PRKN: variants seen among roughly 807,000 people sequenced by gnomAD.
PRKN encodes E3 ubiquitin-protein ligase parkin.
In PRKN, 56 loss-of-function variants were observed where a neutral mutation model predicts 59.5. That is an observed-to-expected ratio of 0.94 (90% CI 0.76 to 1.18). PRKN has a LOEUF of 1.18. PRKN is among the 50% of genes most tolerant of loss of function. PRKN has a pLI of 0.00. For missense variants in PRKN, 657 were observed against 596.4 expected (o/e 1.10, Z -1.06); for synonymous variants, 250 against 222.1 (o/e 1.13, Z -1.12).
intron 4 of PRKN, among the ~76,000 whole-genome samples, chr6:162,142,587 G>T (rs1051482098): frequency 6.6e-6 from 1 of 152,080 alleles, no homozygotes; most frequent in South Asian, 2.1e-4. Context: ...ATGCAATAAA[G>T]ATAACAACAC....
At chr6:161,882,502 A>G (rs1794976214) in intron 6 of PRKN, among the ~76,000 whole-genome samples, 1 of 152,156 alleles carries the variant, frequency 6.6e-6, no homozygotes, top group South Asian at 2.1e-4. Context: ...TCCTCTGACC[A>G]TTCTAGTCAG....
At chr6:162,351,503 C>T (rs1357028783) in intron 2 of PRKN, among the ~76,000 whole-genome samples, 1 of 152,108 alleles carries the variant, frequency 6.6e-6, no homozygotes, top group Non-Finnish European at 1.5e-5. Context: ...GAAAATGGTA[C>T]AACTACTTTG....
At chr6:162,381,425 C>T (rs1258452764) in intron 2 of PRKN, among the ~76,000 whole-genome samples, 2 of 152,026 alleles carry the variant, frequency 1.3e-5, no homozygotes, top group Non-Finnish European at 2.9e-5. Flanking sequence ...TTACTTTTTC[C>T]TCTCTAAGTG....
At chr6:162,587,013 A>G (rs1395150807) in intron 1 of PRKN, among the ~76,000 whole-genome samples, 1 of 152,212 alleles carries the variant, frequency 6.6e-6, no homozygotes, top group African/African-American at 2.4e-5. Flanking sequence ...TAAAATCACC[A>G]GATCCAAGTG....
intron 3 of PRKN, among the ~76,000 whole-genome samples, chr6:162,233,563 T>G (rs1778514689): frequency 6.6e-6 from 1 of 152,216 alleles, no homozygotes; most frequent in African/African-American, 2.4e-5. Context: ...CCTCCTCATT[T>G]TATAGACAAA....
intron 5 of PRKN, among the ~76,000 whole-genome samples, chr6:162,033,445 G>A (rs1408914291): frequency 6.6e-6 from 1 of 152,130 alleles, no homozygotes; most frequent in East Asian, 1.9e-4. Flanking sequence ...AATTCACAAT[G>A]CATACTTTAT....
chr6:162,571,453 G>A (rs567392309), intron 1 of PRKN, among the ~76,000 whole-genome samples: 2 of 152,148 alleles, frequency 1.3e-5, no homozygotes, highest in East Asian at 3.9e-4. Context: ...ATTCAGGACT[G>A]ATCAGAGGCA....
chr6:162,292,473 T>TA (rs1286936276), intron 2 of PRKN, among the ~76,000 whole-genome samples: 2 of 151,920 alleles, frequency 1.3e-5, no homozygotes, highest in African/African-American at 4.8e-5. Context: ...AGGAGAGACT[T>TA]AAAAAAAATC....
intron 1 of PRKN, among the ~76,000 whole-genome samples, chr6:162,524,339 G>C (rs556752379): frequency 1.8e-4 from 28 of 152,286 alleles, no homozygotes; most frequent in African/African-American, 6.5e-4. Context: ...TGTGTTGAAA[G>C]AGAATTCTTA....
chr6:162,370,524 C>A (rs1209954970), intron 2 of PRKN, among the ~76,000 whole-genome samples: 1 of 152,072 alleles, frequency 6.6e-6, no homozygotes, highest in Non-Finnish European at 1.5e-5. Flanking sequence ...TACTACTTAT[C>A]CCATTAAACT....
intron 2 of PRKN, among the ~76,000 whole-genome samples, chr6:162,423,684 C>T (rs1789087628): frequency 1.3e-5 from 2 of 152,156 alleles, no homozygotes; most frequent in Admixed American, 1.3e-4. Flanking sequence ...ATTCTAGGAA[C>T]TGGTCGTCAT....
At chr6:162,199,383 A>T (rs1784628216) in intron 4 of PRKN, among the ~76,000 whole-genome samples, 1 of 152,212 alleles carries the variant, frequency 6.6e-6, no homozygotes, top group South Asian at 2.1e-4. Flanking sequence ...AATAATGCTT[A>T]ACTGAGAGTG....
chr6:161,867,108 T>C (rs1423803166), intron 6 of PRKN, among the ~76,000 whole-genome samples: 4 of 152,220 alleles, frequency 2.6e-5, no homozygotes, highest in Admixed American at 2.6e-4. Context: ...GTTTTTTTCA[T>C]CAGTCTTTAT....
At position 161,429,293 on chromosome 6, in the gene PRKN, T is replaced by C. The variant is rs1381489605; in HGVS notation, c.1084-42416A>G. Among the ~76,000 whole-genome samples, 1 of 152,164 alleles carries C rather than the reference T, an allele frequency of 6.6e-6. No individual in the cohort carries two copies. The highest frequency in any genetic ancestry group is 6.5e-5 in the Admixed American group (1 of 15,276). ...GTGCTGGGCTAGGTGTGGAATACAA[T>C]GGTAAACAAGATTGAGAAAGTTCCT... On this transcript the variant is annotated intron_variant, in intron 9 of 11. Coordinates refer to ENST00000366898, the MANE Select transcript of PRKN (RefSeq NM_004562.3). This position sits in a 1 kb window ranked among gnomAD's most constrained non-coding sequence, Gnocchi z 4.2.
chr6:161,727,348 G>A (rs532965175), intron 7 of PRKN, among the ~76,000 whole-genome samples: 1 of 152,180 alleles, frequency 6.6e-6, no homozygotes, highest in Non-Finnish European at 1.5e-5. Context: ...CAGTGAGCCG[G>A]GTCCCCAACC....
Position 161,356,511 on chromosome 6 carries a change from G to C in PRKN, c.1285+3577C>G, listed in dbSNP as rs550532394. ...ATCATAAATATGCGAGAGTGGAGGC[G>C]AGAGCCCTTTTGGGAAGCTGTGCTT... On this transcript the variant is annotated intron_variant, in intron 11 of 11. Coordinates refer to ENST00000366898, the MANE Select transcript of PRKN (RefSeq NM_004562.3). This position sits in a 1 kb window ranked among gnomAD's most constrained non-coding sequence, Gnocchi z 7.8. Among the ~76,000 whole-genome samples, 154 of 152,272 alleles carry C rather than the reference G, an allele frequency of 1.0e-3. No homozygotes were observed. Among genetic ancestry groups the C allele is most frequent in the African/African-American group, 3.5e-3 (146 of 41,554 alleles).
At chr6:161,702,021 T>C (rs1252536187) in intron 7 of PRKN, among the ~76,000 whole-genome samples, 1 of 152,230 alleles carries the variant, frequency 6.6e-6, no homozygotes, top group Admixed American at 6.5e-5. Flanking sequence ...TATTGTGATT[T>C]ATTGCAACAG....
At chr6:162,677,974 T>A (rs1399537532) in intron 1 of PRKN, among the ~76,000 whole-genome samples, 1 of 152,164 alleles carries the variant, frequency 6.6e-6, no homozygotes, top group Non-Finnish European at 1.5e-5. Context: ...TGCCTCTCCC[T>A]GACATCCTCC....
At chr6:161,495,371 C>T (rs533298743) in intron 9 of PRKN, among the ~76,000 whole-genome samples, 3 of 152,162 alleles carry the variant, frequency 2.0e-5, no homozygotes, top group Non-Finnish European at 2.9e-5. Flanking sequence ...CTTCTCCTCC[C>T]GATGTGTATC....
Sources: gnomAD v4.1 joint callset for allele counts (sites outside exome capture counted in the v4.1 genomes callset) on GRCh38, gnomAD v4.1.1 for gene constraint, Gnocchi (gnomAD v3.1) non-coding constraint, MANE v1.5 for transcripts, NCBI Gene and HGNC (gene_info 2026-07-23, HGNC 2026-07-21) for gene names.